HMCN1: variants seen among roughly 807,000 people sequenced by gnomAD.
HMCN1 encodes the protein hemicentin 1.
Under a neutral mutation model 625.9 loss-of-function variants are expected in HMCN1, and 321 were observed. The observed-to-expected ratio is 0.51, with a 90% CI of 0.47 to 0.56. The LOEUF (loss-of-function observed/expected upper bound fraction) is 0.56. Among genes scored for constraint, HMCN1 ranks in the 20% least tolerant of loss-of-function variants. The pLI is 0.00. For missense variants in HMCN1, 6,588 were observed against 6,887.3 expected (o/e 0.96, Z 1.54); for synonymous variants, 2,425 against 2,417.6 (o/e 1.00, Z -0.09).
At chr1:185,978,193 T>A (rs1243573157) in intron 16 of HMCN1, 1 of 511,486 alleles carries the variant, frequency 2.0e-6, no homozygotes, top group African/African-American at 1.9e-5. Flanking sequence ...CATTAATTTA[T>A]CATAAGGGCT....
chr1:186,157,937 G>T (rs1411663844), intron 97 of HMCN1, among the ~76,000 whole-genome samples: 1 of 152,088 alleles, frequency 6.6e-6, no homozygotes, highest in Non-Finnish European at 1.5e-5. Flanking sequence ...ATCATTTATA[G>T]TCCTTTGGGT....
chr1:186,144,469 C>A, intron 90 of HMCN1, 64 bp from the exon 91 acceptor site: 1 of 1,610,578 alleles, frequency 6.2e-7, no homozygotes, highest in South Asian at 1.1e-5. Context: ...ACTAACAATG[C>A]CCAGAGTGTA....
chr1:185,982,289 C>T lies in HMCN1; in HGVS notation c.2690C>T (p.Ser897Leu). The T allele has an allele frequency of 6.2e-7, 1 of 1,613,604 alleles. No individual in the cohort carries two copies. Among genetic ancestry groups the T allele is most frequent in the Non-Finnish European group, 8.5e-7 (1 of 1,179,578 alleles). Reference sequence around the variant, plus strand: ...GCTCCACTTATTGGAATCAGCCCTTCAGTGGCCAATGTTATTGAAGGACAG... The same window carrying T: ...GCTCCACTTATTGGAATCAGCCCTTTAGTGGCCAATGTTATTGAAGGACAG... ...LVAPLIGISP[S>L]VANVIEGQQL... Residue 897 changes from serine (S) to leucine (L), a missense_variant, in exon 18 of 107, where the codon TCA becomes TTA. Around this residue, in one of 3 missense-constraint regions of HMCN1, gnomAD observed 4,628 missense variants for 4,853.1 expected, o/e 0.95. Transcript: ENST00000271588.
intron 6 of HMCN1, 132 bp downstream of exon 6, chr1:185,911,912 C>T: frequency 2.8e-6 from 2 of 719,148 alleles, no homozygotes; most frequent in South Asian, 1.5e-5. Flanking sequence ...AAGCAACGTA[C>T]ATAGGTGTTT....
intron 4 of HMCN1, among the ~76,000 whole-genome samples, chr1:185,869,872 T>A (rs1341489086): frequency 6.6e-6 from 1 of 152,138 alleles, no homozygotes; most frequent in Non-Finnish European, 1.5e-5. Context: ...AGTCCTTTCA[T>A]TTTACTCAAG....
At chr1:185,797,152 AT>A (rs1284863721) in intron 1 of HMCN1, among the ~76,000 whole-genome samples, 1 of 152,214 alleles carries the variant, frequency 6.6e-6, no homozygotes, top group African/African-American at 2.4e-5. Flanking sequence ...CATTTGCAAA[AT>A]ATATGTTCAT....
intron 4 of HMCN1, among the ~76,000 whole-genome samples, chr1:185,877,513 G>C (rs1664032251): frequency 6.6e-6 from 1 of 151,252 alleles, no homozygotes; most frequent in Non-Finnish European, 1.5e-5. Flanking sequence ...AACATTGGTA[G>C]TTAGATAGAA....
intron 1 of HMCN1, among the ~76,000 whole-genome samples, chr1:185,750,680 A>G (rs1654745137): frequency 6.6e-6 from 1 of 152,078 alleles, no homozygotes; most frequent in East Asian, 1.9e-4. Flanking sequence ...TTTATTTTCA[A>G]ACTATTTTTA....
chr1:185,812,346 A>G (rs1345569659), intron 1 of HMCN1, among the ~76,000 whole-genome samples: 1 of 152,174 alleles, frequency 6.6e-6, no homozygotes, highest in Non-Finnish European at 1.5e-5. Flanking sequence ...AGACTGCATC[A>G]TCTTAAAAGC....
chr1:186,132,880 G>A lies in HMCN1; in HGVS notation c.13312+471G>A, dbSNP rs1205176265. On this transcript the variant is annotated intron_variant, in intron 86 of 106. Transcript: ENST00000271588. Reference sequence around the variant, plus strand: ...TTGTTCAGTTCCCACCTATGAGTGAGAACATGCGGTGTTTGGGTTTTCCTC... The same window carrying A: ...TTGTTCAGTTCCCACCTATGAGTGAAAACATGCGGTGTTTGGGTTTTCCTC... 2.0e-5 allele frequency among the ~76,000 whole-genome samples: 3 copies of A among 152,146 alleles called. No individual in the cohort carries two copies. The East Asian group carries it at 5.8e-4, about 29-fold the overall frequency.
intron 57 of HMCN1, among the ~76,000 whole-genome samples, chr1:186,085,617 T>C (rs1659430258): frequency 6.6e-6 from 1 of 152,112 alleles, no homozygotes; most frequent in African/African-American, 2.4e-5. Context: ...TTTCTCTCAG[T>C]AAGTATTAAC....
chr1:186,074,946 A>G lies in HMCN1; in HGVS notation c.8290+55A>G. The G allele has an allele frequency of 8.5e-6, 12 of 1,411,358 alleles. No individual in the cohort carries two copies. In the South Asian group the frequency reaches 1.4e-4, roughly 17 times the overall value. 87.4% of individuals were successfully genotyped at this position (1,411,358 alleles called of 1,614,324 possible). A position where few individuals can be genotyped will look rare whatever the true frequency, so the allele number is the denominator to read the frequency against. On this transcript the variant is annotated intron_variant, in intron 53 of 106. Transcript: ENST00000271588. ...TAATTTATATGATCTTTCAAAGTAA[A>G]AGAAAAGAGATTTGACTTATTTTAA...
intron 97 of HMCN1, among the ~76,000 whole-genome samples, chr1:186,162,114 TTTC>T (rs1404035788): frequency 2.0e-5 from 3 of 152,192 alleles, no homozygotes; most frequent in Admixed American, 1.3e-4. Context: ...GCTTTGTTCG[TTTC>T]TTTTTATTCT....
In HMCN1 at chr1:185,998,648, C is replaced by G. The variant is rs142420834; in HGVS notation, c.3874+1124C>G. On this transcript the variant is annotated intron_variant, in intron 25 of 106. Transcript: ENST00000271588. ...AAGCTAATTTCTTGTTTTGACTTCC[C>G]TTTTCCACCTAGAAAAACATCTCTT... 3.5e-3 allele frequency among the ~76,000 whole-genome samples: 527 copies of G among 152,160 alleles called. 3 individuals carry two copies. The highest frequency in any genetic ancestry group is 0.012 in the African/African-American group (499 of 41,532).
At chr1:186,090,585 C>T (rs551112777) in intron 63 of HMCN1, among the ~76,000 whole-genome samples, 173 bp from the exon 64 acceptor site, 12 of 151,990 alleles carry the variant, frequency 7.9e-5, no homozygotes, top group African/African-American at 1.4e-4. Context: ...AATATTGAAG[C>T]GTTCCTTTAT....
chr1:185,924,632 G>A (rs971007462), intron 8 of HMCN1, among the ~76,000 whole-genome samples: 9 of 151,872 alleles, frequency 5.9e-5, no homozygotes, highest in African/African-American at 1.9e-4. Context: ...AAAATCTGAT[G>A]GATTCCTAAA....
At chr1:185,872,181 A>T (rs913891362) in intron 4 of HMCN1, among the ~76,000 whole-genome samples, 1 of 152,120 alleles carries the variant, frequency 6.6e-6, no homozygotes, top group Non-Finnish European at 1.5e-5. Context: ...AAATAAATGT[A>T]GGTCTCCACA....
intron 1 of HMCN1, among the ~76,000 whole-genome samples, chr1:185,789,824 C>T (rs1225819522): frequency 2.0e-5 from 3 of 152,208 alleles, no homozygotes; most frequent in African/African-American, 7.2e-5. Flanking sequence ...CTGCTAGTGT[C>T]AGAGATAATC....
chr1:185,748,166 A>T (rs1654553767), intron 1 of HMCN1, among the ~76,000 whole-genome samples: 1 of 151,974 alleles, frequency 6.6e-6, no homozygotes, highest in African/African-American at 2.4e-5. Context: ...ATTCAAAGTG[A>T]AATCTGTTAT....
Sources: allele counts gnomAD v4.1 joint callset (sites outside exome capture counted in the v4.1 genomes callset), GRCh38; gene constraint gnomAD v4.1.1; regional missense constraint gnomAD v4.1.1; transcripts MANE v1.5; gene names NCBI Gene and HGNC (gene_info 2026-07-23, HGNC 2026-07-21).